AGBL4: variants seen among roughly 807,000 people sequenced by gnomAD.
The protein encoded by AGBL4 is AGBL carboxypeptidase 4, also known as cytosolic carboxypeptidase 6.
AGBL4 carries 58 observed loss-of-function variants against 66.4 expected under a neutral mutation model. The observed-to-expected ratio is 0.87, with a 90% CI of 0.71 to 1.09. The LOEUF (loss-of-function observed/expected upper bound fraction) is 1.09. AGBL4 is among the 50% of genes least tolerant of loss of function. AGBL4 has a pLI of 0.00. For missense variants in AGBL4, 579 were observed against 631.0 expected (o/e 0.92, Z 0.88); for synonymous variants, 234 against 222.9 (o/e 1.05, Z -0.44).
intron 3 of AGBL4, among the ~76,000 whole-genome samples, chr1:49,548,422 T>A (rs1054329822): frequency 6.6e-6 from 1 of 152,222 alleles, no homozygotes; most frequent in Non-Finnish European, 1.5e-5. Flanking sequence ...TTGTCATAGA[T>A]GACTTTTATT....
chr1:48,777,156 G>A (rs1645143069), intron 6 of AGBL4, among the ~76,000 whole-genome samples: 1 of 152,098 alleles, frequency 6.6e-6, no homozygotes, highest in Non-Finnish European at 1.5e-5. Context: ...AGGGAAAAGG[G>A]TTCAGAGATT....
intron 6 of AGBL4, among the ~76,000 whole-genome samples, chr1:48,741,110 C>G (rs1365495632): frequency 6.6e-6 from 1 of 152,154 alleles, no homozygotes; most frequent in South Asian, 2.1e-4. Flanking sequence ...GCCTTCAAGG[C>G]AAGGGAGAAA....
intron 1 of AGBL4, among the ~76,000 whole-genome samples, chr1:49,965,710 A>G (rs1202082688): frequency 6.6e-6 from 1 of 152,164 alleles, no homozygotes; most frequent in Non-Finnish European, 1.5e-5. Flanking sequence ...TTTCTATAGG[A>G]AAGACTGCAC....
chr1:49,978,133 T>C (rs1658733165), intron 1 of AGBL4, among the ~76,000 whole-genome samples: 1 of 152,236 alleles, frequency 6.6e-6, no homozygotes, highest in African/African-American at 2.4e-5. Flanking sequence ...CACTACTTTT[T>C]GTTTATACAA....
intron 3 of AGBL4, among the ~76,000 whole-genome samples, chr1:49,336,876 C>A (rs180679396): frequency 1.3e-3 from 202 of 152,214 alleles, no homozygotes; most frequent in Admixed American, 0.013. Flanking sequence ...TGAAAAAAAT[C>A]TGTAAAATGA....
chr1:49,599,404 G>A (rs995031620), intron 3 of AGBL4, among the ~76,000 whole-genome samples: 1 of 152,278 alleles, frequency 6.6e-6, no homozygotes, highest in Admixed American at 6.5e-5. Flanking sequence ...GGTGTTTACA[G>A]TATTTTCTGA....
At chr1:49,785,136 A>G (rs1364298467) in intron 2 of AGBL4, among the ~76,000 whole-genome samples, 2 of 152,064 alleles carry the variant, frequency 1.3e-5, no homozygotes, top group Non-Finnish European at 2.9e-5. Context: ...AATTTATAGA[A>G]GTAGATAGTA....
intron 11 of AGBL4, chr1:48,584,619 G>A (rs1285103791): frequency 6.6e-6 from 1 of 152,656 alleles, no homozygotes; most frequent in Non-Finnish European, 1.5e-5. Context: ...AGGAGGCTGA[G>A]GCAGGGGAAT....
rs55882947 is a variant in AGBL4 at position 49,371,817 on chromosome 1, C to CTGTGTGTGTG, written c.283-125963_283-125954dup. Among the ~76,000 whole-genome samples the CTGTGTGTGTG allele has an allele frequency of 3.8e-4, 53 of 140,060 alleles. 1 individual carries two copies. The highest frequency in any genetic ancestry group is 4.8e-4 in the Non-Finnish European group (31 of 64,938). 91.9% of individuals were successfully genotyped at this position (140,060 alleles called of 152,430 possible). On this transcript the variant is annotated intron_variant, in intron 3 of 13. Coordinates refer to ENST00000371839, the MANE Select transcript of AGBL4 (RefSeq NM_032785.4). The stretch of plus-strand genomic sequence containing the variant: ...GTCAGAGCCAGTGACTTTTCAAACT[C>CTGTGTGTGTG]TGTGTGTGTGTGTGTGTGTGTGTGT...
At chr1:49,129,474 C>T (rs1394584674) in intron 4 of AGBL4, among the ~76,000 whole-genome samples, 1 of 151,524 alleles carries the variant, frequency 6.6e-6, no homozygotes, top group African/African-American at 2.4e-5. Context: ...TCCCCCAACC[C>T]CACAACAGTC....
intron 3 of AGBL4, among the ~76,000 whole-genome samples, chr1:49,614,599 T>C (rs1645216414): frequency 6.6e-6 from 1 of 152,158 alleles, no homozygotes; most frequent in Non-Finnish European, 1.5e-5. Flanking sequence ...CATATGTATG[T>C]TCCCTCTAGT....
chr1:48,547,732 C>T (rs1644186848), intron 11 of AGBL4, among the ~76,000 whole-genome samples: 1 of 152,114 alleles, frequency 6.6e-6, no homozygotes, highest in Non-Finnish European at 1.5e-5. Context: ...CTTAGGGTGT[C>T]CCAAGGGCTT....
At chr1:49,916,460 G>A (rs1459102468) in intron 1 of AGBL4, among the ~76,000 whole-genome samples, 2 of 152,190 alleles carry the variant, frequency 1.3e-5, no homozygotes, top group African/African-American at 2.4e-5. Flanking sequence ...TAACCAATTC[G>A]ATCAACTCAA....
intron 5 of AGBL4, among the ~76,000 whole-genome samples, chr1:48,916,913 G>A (rs1314463152): frequency 1.3e-5 from 2 of 152,142 alleles, no homozygotes; most frequent in Non-Finnish European, 2.9e-5. Context: ...TGACTGATAT[G>A]TTGACTTGTA....
At chr1:49,975,135 C>T (rs915176950) in intron 1 of AGBL4, among the ~76,000 whole-genome samples, 1 of 152,042 alleles carries the variant, frequency 6.6e-6, no homozygotes, top group African/African-American at 2.4e-5. Context: ...TATTCTAAAG[C>T]ATATTTACAT....
chr1:48,543,069 C>G (rs1280646901), intron 11 of AGBL4, among the ~76,000 whole-genome samples: 1 of 152,160 alleles, frequency 6.6e-6, no homozygotes, highest in Non-Finnish European at 1.5e-5. Flanking sequence ...AGTGAGTACC[C>G]TGGCTGCATG....
intron 4 of AGBL4, among the ~76,000 whole-genome samples, chr1:49,097,706 G>C (rs1466993696): frequency 6.6e-6 from 1 of 152,192 alleles, no homozygotes; most frequent in Non-Finnish European, 1.5e-5. Context: ...TCAGCCTCCG[G>C]AGTAGCTGGG....
At chr1:48,749,555 C>A (rs1013844993) in intron 6 of AGBL4, among the ~76,000 whole-genome samples, 4 of 152,192 alleles carry the variant, frequency 2.6e-5, no homozygotes, top group Non-Finnish European at 4.4e-5. Flanking sequence ...CCCTACCCCT[C>A]CTCAATGAAC....
intron 5 of AGBL4, among the ~76,000 whole-genome samples, chr1:48,930,775 CAG>C (rs1654972343): frequency 6.6e-6 from 1 of 152,154 alleles, no homozygotes; most frequent in African/African-American, 2.4e-5. Flanking sequence ...CTCTACAAAA[CAG>C]AAATGGAAGT....
Sources: allele counts gnomAD v4.1 joint callset (sites outside exome capture counted in the v4.1 genomes callset), GRCh38; gene constraint gnomAD v4.1.1; transcripts MANE v1.5; gene names NCBI Gene and HGNC (gene_info 2026-07-23, HGNC 2026-07-21).